The following CNBP variants were observed in gnomAD, a reference collection of about 807,000 sequenced individuals.
CNBP encodes the protein cellular nucleic acid-binding protein.
A neutral mutation model predicts 21.2 loss-of-function variants in CNBP; 6 were observed. The observed-to-expected ratio is 0.28, with a 90% CI of 0.16 to 0.56. The LOEUF (loss-of-function observed/expected upper bound fraction) is 0.56, where lower values mean the gene tolerates loss of function less well. Among genes scored for constraint, CNBP ranks in the 20% least tolerant of loss-of-function variants. The pLI is 0.93. For synonymous variants in CNBP, 61 were observed against 74.9 expected (o/e 0.81, Z 0.96); for missense variants, 112 against 233.1 (o/e 0.48, Z 3.38).
In CNBP at chr3:129,172,677, CAGACAG is replaced by C. The variant is rs1377232739; in HGVS notation, c.-14-912_-14-907del. On this transcript the variant is annotated intron_variant, in intron 1 of 4. Transcript: ENST00000422453. ...GCAGGCAGACAGACAGACAGACAGA[CAGACAG>C]ACAGACAGACAGACACACACACACA... Among the ~76,000 whole-genome samples the C allele has an allele frequency of 7.7e-5, 9 of 117,200 alleles. No individual in the cohort carries two copies. In the East Asian group the frequency reaches 1.8e-3, roughly 24 times the overall value. The allele number at this position is 117,200 out of a possible 152,430, so 76.9% of individuals were successfully genotyped here. A position where few individuals can be genotyped will look rare whatever the true frequency, so the allele number is the denominator to read the frequency against.
At chr3:129,181,411 TGA>T (rs1296575799) in intron 1 of CNBP, among the ~76,000 whole-genome samples, 1 of 150,626 alleles carries the variant, frequency 6.6e-6, no homozygotes, top group Non-Finnish European at 1.5e-5. Context: ...CCTAGCACTT[TGA>T]GAGGCCGAGG....
chr3:129,174,245 T>C (rs1937729649), intron 1 of CNBP, among the ~76,000 whole-genome samples: 1 of 151,274 alleles, frequency 6.6e-6, no homozygotes, highest in Non-Finnish European at 1.5e-5. Context: ...TTTTACAGAA[T>C]TTGAAATAGT....
chr3:129,168,738 A>C lies in CNBP; in HGVS notation c.*1715T>G, dbSNP rs1296199817. Reference sequence around the variant, plus strand: ...GCACTTTGGGGGGCGGGGCAGGTGGATCACCTGAGGTCAGGAGTTGGAGAC... The same window carrying C: ...GCACTTTGGGGGGCGGGGCAGGTGGCTCACCTGAGGTCAGGAGTTGGAGAC... On this transcript the variant is annotated 3_prime_UTR_variant, in exon 5 of 5. Coordinates refer to ENST00000422453, the MANE Select transcript of CNBP (RefSeq NM_003418.5). 6.7e-6 allele frequency among the ~76,000 whole-genome samples: 1 copy of C among 150,136 alleles called. No individual in the cohort carries two copies. The highest frequency in any genetic ancestry group is 1.5e-5 in the Non-Finnish European group (1 of 67,596).
At position 129,170,054 on chromosome 3, in the gene CNBP, CCAT is replaced by C. The variant is rs1937540665; in HGVS notation, c.*396_*398del. The C allele has an allele frequency of 1.2e-5, 3 of 255,976 alleles. No homozygotes were observed. The highest frequency in any genetic ancestry group is 1.5e-5 in the Non-Finnish European group (2 of 130,126). 15.9% of individuals were successfully genotyped at this position (255,976 alleles called of 1,614,324 possible). ...GCTACTGAGGTCAGACAATCCAAGA[CCAT>C]CATTATACTAAAATTAAAGTTATTT... On this transcript the variant is annotated 3_prime_UTR_variant, in exon 5 of 5. Transcript: ENST00000422453.
chr3:129,172,256 G>A (rs915146121), intron 1 of CNBP, among the ~76,000 whole-genome samples: 3 of 151,958 alleles, frequency 2.0e-5, no homozygotes, highest in African/African-American at 7.3e-5. Context: ...GGAATTTACA[G>A]GGTTAGGGTC....
intron 1 of CNBP, among the ~76,000 whole-genome samples, chr3:129,173,331 G>A (rs1937667476): frequency 6.6e-6 from 1 of 151,938 alleles, no homozygotes; most frequent in African/African-American, 2.4e-5. Flanking sequence ...AGCATAGGAG[G>A]ATTTTGGTAT....
intron 1 of CNBP, among the ~76,000 whole-genome samples, chr3:129,174,432 G>A (rs35724303): frequency 6.9e-5 from 10 of 145,364 alleles, no homozygotes; most frequent in Non-Finnish European, 3.0e-5. Flanking sequence ...TTGGGAGGCC[G>A]ACGAGGATGG....
intron 1 of CNBP, among the ~76,000 whole-genome samples, chr3:129,178,768 C>T (rs1199966252): frequency 6.7e-6 from 1 of 149,532 alleles, no homozygotes; most frequent in Non-Finnish European, 1.5e-5. Flanking sequence ...TTTTTTGAGA[C>T]GGAGTCTTGC....
intron 1 of CNBP, among the ~76,000 whole-genome samples, chr3:129,176,797 T>A (rs1394467457): frequency 1.3e-5 from 2 of 152,060 alleles, no homozygotes; most frequent in Non-Finnish European, 2.9e-5. Flanking sequence ...GGCCAACCAC[T>A]CAAAGGACAT....
At chr3:129,173,526 T>G (rs2107637790) in intron 1 of CNBP, among the ~76,000 whole-genome samples, 1 of 152,352 alleles carries the variant, frequency 6.6e-6, no homozygotes, top group African/African-American at 2.4e-5. Context: ...TTTTACATTT[T>G]AAACAATGCT....
chr3:129,169,949 G>A lies in CNBP; in HGVS notation c.*504C>T, dbSNP rs1487602137. ...CTCTCGAACAGCCATTAACACGCATGTTTATCTTTTTGTTTACTCCCACTC... is the reference window on the plus strand; with the variant it reads ...CTCTCGAACAGCCATTAACACGCATATTTATCTTTTTGTTTACTCCCACTC... On this transcript the variant is annotated 3_prime_UTR_variant, in exon 5 of 5. Coordinates refer to ENST00000422453, the MANE Select transcript of CNBP (RefSeq NM_003418.5). 4.3e-6 allele frequency: 1 copy of A among 232,612 alleles called. No individual in the cohort carries two copies. The allele number at this position is 232,612 out of a possible 1,614,324, so 14.4% of individuals were successfully genotyped here.
At chr3:129,172,505 C>G (rs935666328) in intron 1 of CNBP, among the ~76,000 whole-genome samples, 1 of 152,160 alleles carries the variant, frequency 6.6e-6, no homozygotes, top group African/African-American at 2.4e-5. Flanking sequence ...TCGCTTGAAC[C>G]CGGGGGGTGG....
chr3:129,181,721 G>A (rs1938315252), intron 1 of CNBP, among the ~76,000 whole-genome samples: 1 of 150,152 alleles, frequency 6.7e-6, no homozygotes, highest in African/African-American at 2.4e-5. Flanking sequence ...TGCACCATCT[G>A]AAATACATTA....
Position 129,169,929 on chromosome 3 carries a change from G to A in CNBP, c.*524C>T, listed in dbSNP as rs1041498948. 8.7e-6 allele frequency: 2 copies of A among 231,046 alleles called. No homozygotes were observed. Among genetic ancestry groups the A allele is most frequent in the East Asian group, 6.2e-5 (1 of 16,034 alleles). 14.3% of individuals were successfully genotyped at this position (231,046 alleles called of 1,614,324 possible). A position where few individuals can be genotyped will look rare whatever the true frequency, so the allele number is the denominator to read the frequency against. ...TTAGGCTTTTATTCCGATTTCTCTC[G>A]AACAGCCATTAACACGCATGTTTAT... is the stretch of plus-strand genomic sequence containing the variant. On this transcript the variant is annotated 3_prime_UTR_variant, in exon 5 of 5. Transcript: ENST00000422453.
intron 1 of CNBP, among the ~76,000 whole-genome samples, chr3:129,172,413 C>T (rs545057111): frequency 6.6e-6 from 1 of 151,824 alleles, no homozygotes; most frequent in Non-Finnish European, 1.5e-5. Flanking sequence ...GAAACCCCGT[C>T]TCTACTAAAA....
At chr3:129,183,151 T>C (rs557556833) in intron 1 of CNBP, among the ~76,000 whole-genome samples, 1 of 152,042 alleles carries the variant, frequency 6.6e-6, no homozygotes, top group Non-Finnish European at 1.5e-5. Flanking sequence ...ACTTTCACCA[T>C]ATTGGTCAGG....
intron 1 of CNBP, among the ~76,000 whole-genome samples, chr3:129,172,572 A>G (rs1367854875): frequency 7.0e-6 from 1 of 142,860 alleles, no homozygotes; most frequent in South Asian, 2.3e-4. Context: ...ACAAAGTGAG[A>G]CAGACAGGCA....
chr3:129,179,809 G>A (rs1302493032), intron 1 of CNBP, among the ~76,000 whole-genome samples: 1 of 152,106 alleles, frequency 6.6e-6, no homozygotes, highest in Non-Finnish European at 1.5e-5. Flanking sequence ...CTCCAGTGTG[G>A]GTGACAAAGC....
chr3:129,172,725 C>CCT (rs1185761635), intron 1 of CNBP, among the ~76,000 whole-genome samples: 3 of 151,750 alleles, frequency 2.0e-5, no homozygotes, highest in African/African-American at 4.8e-5. Flanking sequence ...CACACACACA[C>CCT]ACACACACTG....
Sources: allele counts gnomAD v4.1 joint callset (sites outside exome capture counted in the v4.1 genomes callset), GRCh38; gene constraint gnomAD v4.1.1; transcripts MANE v1.5; gene names NCBI Gene and HGNC (gene_info 2026-07-23, HGNC 2026-07-21).